The following SLC7A2 variants were observed in gnomAD, a reference collection of about 807,000 sequenced individuals.
SLC7A2 encodes cationic amino acid transporter 2.
A neutral mutation model predicts 58.9 loss-of-function variants in SLC7A2; 48 were observed. That is an observed-to-expected ratio of 0.82 (90% CI 0.65 to 1.04). The LOEUF is 1.04. SLC7A2 is among the 50% of genes least tolerant of loss of function. SLC7A2 has a pLI of 0.00. For synonymous variants in SLC7A2, 363 were observed against 314.5 expected (o/e 1.15, Z -1.63); for missense variants, 1,029 against 818.8 (o/e 1.26, Z -3.13).
At chr8:17,543,824 G>C (rs1193222495) in intron 3 of SLC7A2, 109 bp downstream of exon 3, 12 of 980,288 alleles carry the variant, frequency 1.2e-5, no homozygotes, top group Non-Finnish European at 2.9e-6. Context: ...TGATGTCTGT[G>C]TGTCTCATTT....
chr8:17,514,295 C>G (rs1295091801), intron 2 of SLC7A2, among the ~76,000 whole-genome samples: 1 of 151,190 alleles, frequency 6.6e-6, no homozygotes, highest in Non-Finnish European at 1.5e-5. Context: ...CCAAAACACG[C>G]ATTTGAGTTG....
At chr8:17,542,502 T>C (rs1801955667) in intron 2 of SLC7A2, among the ~76,000 whole-genome samples, 1 of 151,970 alleles carries the variant, frequency 6.6e-6, no homozygotes, top group South Asian at 2.1e-4. Context: ...AATAAAGAAG[T>C]TACCCGAGCG....
upstream of SLC7A2, chr8:17,496,965 G>A (rs1447252839): frequency 6.6e-6 from 1 of 151,096 alleles, no homozygotes; most frequent in Non-Finnish European, 1.5e-5. Context: ...CAGCGCGGCC[G>A]GGGCCCGGCG....
Position 17,568,517 on chromosome 8 carries a change from A to G in SLC7A2, c.*3371A>G, listed in dbSNP as rs1209030762. On this transcript the variant is annotated 3_prime_UTR_variant, in exon 13 of 13. Coordinates refer to ENST00000494857, the MANE Select transcript of SLC7A2 (RefSeq NM_001370338.1). ...TCACCAGCCGTAGTTGATAGAAAAT[A>G]TTAGTTTCAGAATTACCCTCCTTTA... 6.6e-6 allele frequency: 1 copy of G among 152,148 alleles called. No homozygotes were observed. The highest frequency in any genetic ancestry group is 6.5e-5 in the Admixed American group (1 of 15,272). The allele number at this position is 152,148 out of a possible 1,614,324, so 9.4% of individuals were successfully genotyped here. A position where few individuals can be genotyped will look rare whatever the true frequency, so the allele number is the denominator to read the frequency against.
In SLC7A2 at chr8:17,561,962, T is replaced by C. The variant is rs1803013442; in HGVS notation, c.1523T>C (p.Leu508Pro). 1.2e-6 allele frequency: 2 copies of C among 1,614,114 alleles called. No individual in the cohort carries two copies. The highest frequency in any genetic ancestry group is 1.7e-6 in the Non-Finnish European group (2 of 1,180,002). ...CCTGCAGCTTTCCTCGTGTTGGGCC[T>C]GAGTGTCTTGACCACTTACGGAGTT... is the stretch of plus-strand genomic sequence containing the variant. The part of the protein sequence containing the change: ...VGFLAFLVLG[L>P]SVLTTYGVHA... Residue 508 changes from leucine to proline, a missense_variant, in exon 11 of 13, where the codon CTG becomes CCG. Transcript: ENST00000494857.
chr8:17,515,692 G>C (rs1029724953), intron 2 of SLC7A2, among the ~76,000 whole-genome samples: 1 of 152,106 alleles, frequency 6.6e-6, no homozygotes, highest in African/African-American at 2.4e-5. Context: ...CTGACTATTG[G>C]TTTATACAGT....
chr8:17,538,995 G>C (rs556065208), intron 2 of SLC7A2: 2 of 1,349,808 alleles, frequency 1.5e-6, no homozygotes, highest in South Asian at 2.4e-5. Flanking sequence ...TTACTTAGGG[G>C]AGGAAGGGAA....
chr8:17,497,462 G>A (rs1167567507), intron 1 of SLC7A2, among the ~76,000 whole-genome samples: 2 of 152,274 alleles, frequency 1.3e-5, no homozygotes, highest in African/African-American at 4.8e-5. Context: ...CTGAAGCCGT[G>A]GACCTTCGTC....
intron 2 of SLC7A2, among the ~76,000 whole-genome samples, chr8:17,517,690 G>A (rs1046633356): frequency 2.6e-5 from 4 of 151,936 alleles, no homozygotes. Flanking sequence ...CAGTTTTAAG[G>A]CAGTAATAGT....
intron 10 of SLC7A2, among the ~76,000 whole-genome samples, chr8:17,561,672 G>A (rs551729173): frequency 3.3e-5 from 5 of 152,200 alleles, no homozygotes; most frequent in Admixed American, 1.3e-4. Flanking sequence ...CAGATGGCAC[G>A]TGGGCAGATA....
At chr8:17,546,024 T>C (rs1802156001) in intron 4 of SLC7A2, among the ~76,000 whole-genome samples, 1 of 152,210 alleles carries the variant, frequency 6.6e-6, no homozygotes, top group African/African-American at 2.4e-5. Flanking sequence ...TAAAATGTTT[T>C]GCATTTTGAG....
intron 2 of SLC7A2, among the ~76,000 whole-genome samples, chr8:17,541,678 A>G (rs900004942): frequency 1.3e-5 from 2 of 152,224 alleles, no homozygotes; most frequent in African/African-American, 4.8e-5. Context: ...AGACAATCCC[A>G]TGTACAGCTC....
chr8:17,543,189 A>AAC (rs112878892), intron 2 of SLC7A2, 129 bp from the exon 3 acceptor site: 15,055 of 671,598 alleles, frequency 0.022, 99 homozygotes, highest in African/African-American at 0.053. Context: ...TAACAAGTGA[A>AAC]ACACACACAC....
At chr8:17,524,989 A>T (rs752235608) in intron 2 of SLC7A2, among the ~76,000 whole-genome samples, 2 of 152,180 alleles carry the variant, frequency 1.3e-5, no homozygotes, top group Non-Finnish European at 2.9e-5. Flanking sequence ...GATGACTCAG[A>T]GCTCAGCTCT....
chr8:17,543,632 C>G lies in SLC7A2; in HGVS notation c.293C>G (p.Ser98Cys), dbSNP rs1305576208. The G allele has an allele frequency of 1.9e-6, 3 of 1,586,096 alleles. No individual in the cohort carries two copies. The highest frequency in any genetic ancestry group is 1.7e-6 in the Non-Finnish European group (2 of 1,167,490). ...GGGGCCCGTGTTCCCAAGACGGGGT[C>G]TGCATATTTGTACACCTACGTGACT... is the stretch of plus-strand genomic sequence containing the variant. ...EFGARVPKTG[S>C]AYLYTYVTVG... is the part of the protein sequence containing the mutation. Residue 98 changes from serine to cysteine, a missense_variant, in exon 3 of 13, where the codon TCT becomes TGT. Physicochemically the swap from Ser to Cys is moderately radical, Grantham distance 112. Coordinates refer to ENST00000494857, the MANE Select transcript of SLC7A2 (RefSeq NM_001370338.1).
intron 2 of SLC7A2, among the ~76,000 whole-genome samples, chr8:17,521,270 A>G (rs1488405993): frequency 1.3e-5 from 2 of 152,190 alleles, no homozygotes; most frequent in Admixed American, 6.5e-5. Flanking sequence ...AGCTTAGGCA[A>G]TGCTTGGTAT....
At chr8:17,564,925 A>T (rs1803192827) in intron 12 of SLC7A2, 25 bp from the exon 13 acceptor site, 1 of 1,194,826 alleles carries the variant, frequency 8.4e-7, no homozygotes, top group African/African-American at 1.5e-5. Flanking sequence ...TGAAACATTG[A>T]TTTTTTTTTT....
intron 6 of SLC7A2, 121 bp from the exon 7 acceptor site, chr8:17,551,643 A>G: frequency 1.4e-6 from 1 of 736,154 alleles, no homozygotes; most frequent in South Asian, 1.7e-5. Context: ...GACCAAGATA[A>G]GAAAAGGGAC....
chr8:17,565,306 G>T lies in SLC7A2; in HGVS notation c.*160G>T, dbSNP rs1176586495. 3.3e-6 allele frequency: 2 copies of T among 606,346 alleles called. No homozygotes were observed. The highest frequency in any genetic ancestry group is 3.7e-5 in the African/African-American group (2 of 54,084). The allele number at this position is 606,346 out of a possible 1,614,324, so 37.6% of individuals were successfully genotyped here. ...CATCTGGACAGCATCTCCTCAGATG[G>T]TGAATTATGTGCACGGGGAAACCTC... On this transcript the variant is annotated 3_prime_UTR_variant, in exon 13 of 13. Coordinates refer to ENST00000494857, the MANE Select transcript of SLC7A2 (RefSeq NM_001370338.1).
Sources: allele counts gnomAD v4.1 joint callset (sites outside exome capture counted in the v4.1 genomes callset), GRCh38; gene constraint gnomAD v4.1.1; transcripts MANE v1.5; gene names NCBI Gene and HGNC (gene_info 2026-07-23, HGNC 2026-07-21).